Variants in CIT observed in about 807,000 individuals in gnomAD.
The protein encoded by CIT is citron Rho-interacting kinase.
Under a neutral mutation model 272.7 loss-of-function variants are expected in CIT, and 79 were observed. That is an observed-to-expected ratio of 0.29 (90% CI 0.24 to 0.35). The LOEUF (loss-of-function observed/expected upper bound fraction) is 0.35. Among genes scored for constraint, CIT ranks in the 10% least tolerant of loss-of-function variants. The pLI is 1.00. For synonymous variants in CIT, 948 were observed against 995.6 expected, an observed-to-expected ratio of 0.95 and a Z score of 0.90; for missense variants, 1,909 against 2,618.3, an observed-to-expected ratio of 0.73 and a Z score of 5.91.
chr12:119,803,120 T>TC, intron 10 of CIT, 86 bp downstream of exon 10: 1 of 101,044 alleles, frequency 9.9e-6, no homozygotes, highest in South Asian at 1.9e-4. Flanking sequence ...TCCCCCCACC[T>TC]ATTCCCCCAC....
Position 119,784,503 on chromosome 12 carries a change from A to C in CIT, c.1402-452T>G. The C allele has an allele frequency of 3.4e-6, 4 of 1,187,274 alleles. No homozygotes were observed. Among genetic ancestry groups the C allele is most frequent in the Non-Finnish European group, 4.2e-6 (4 of 945,110 alleles). 73.5% of individuals were successfully genotyped at this position (1,187,274 alleles called of 1,614,324 possible). A position where few individuals can be genotyped will look rare whatever the true frequency, so the allele number is the denominator to read the frequency against. On this transcript the variant is annotated intron_variant, in intron 11 of 47. Transcript: ENST00000392521. The surrounding 1 kb of genome is among the most constrained non-coding windows in gnomAD (Gnocchi z 4.7). ...AGGAGTCCCAGGCAAGCAGTGACTT[A>C]TTAGTTTCCAGAGCGTTGCCTCTGG...
At chr12:119,778,288 A>C (rs1963967287) in intron 13 of CIT, among the ~76,000 whole-genome samples, 4 of 152,240 alleles carry the variant, frequency 2.6e-5, no homozygotes. Flanking sequence ...AGAAATGGCC[A>C]GTGATTTTGA....
chr12:119,791,065 T>C (rs934390600), intron 10 of CIT, among the ~76,000 whole-genome samples: 9 of 152,210 alleles, frequency 5.9e-5, no homozygotes, highest in African/African-American at 2.2e-4. Flanking sequence ...GCTTGCCCTA[T>C]ACCTCTATGT....
intron 5 of CIT, among the ~76,000 whole-genome samples, chr12:119,840,222 G>A (rs1267224778): frequency 6.6e-6 from 1 of 152,216 alleles, no homozygotes; most frequent in Non-Finnish European, 1.5e-5. Flanking sequence ...GGAGGGTGAG[G>A]TGGGAGGACG....
At chr12:119,812,785 G>A (rs575183800) in intron 9 of CIT, among the ~76,000 whole-genome samples, 2 of 140,354 alleles carry the variant, frequency 1.4e-5, no homozygotes, top group African/African-American at 5.3e-5. Context: ...TTGCTCTTTC[G>A]CCCAGGTTGG....
intron 24 of CIT, among the ~76,000 whole-genome samples, chr12:119,741,593 T>C (rs1959060566): frequency 6.6e-6 from 1 of 151,982 alleles, no homozygotes; most frequent in African/African-American, 2.4e-5. Context: ...AACAAGAAAA[T>C]AAAATATGTA....
intron 22 of CIT, among the ~76,000 whole-genome samples, chr12:119,752,557 T>C (rs186342788): frequency 6.6e-6 from 1 of 152,228 alleles, no homozygotes; most frequent in African/African-American, 2.4e-5. Context: ...AAAATGATGA[T>C]GATTACTCTT....
At chr12:119,853,470 G>A (rs959809889) in intron 4 of CIT, among the ~76,000 whole-genome samples, 1 of 149,692 alleles carries the variant, frequency 6.7e-6, no homozygotes, top group African/African-American at 2.5e-5. Flanking sequence ...TTAGAGACAG[G>A]GTCTCACCAT....
chr12:119,833,613 C>T (rs1236333024), intron 6 of CIT, among the ~76,000 whole-genome samples: 1 of 141,390 alleles, frequency 7.1e-6, no homozygotes, highest in African/African-American at 2.8e-5. Context: ...TGCCATGAGC[C>T]AATATGGTAC....
chr12:119,722,395 C>T (rs898856683), intron 28 of CIT, among the ~76,000 whole-genome samples: 11 of 152,296 alleles, frequency 7.2e-5, no homozygotes, highest in South Asian at 2.1e-4. Flanking sequence ...TTCCAAAAGG[C>T]CTATGGCAGC....
intron 23 of CIT, 150 bp from the exon 24 acceptor site, chr12:119,742,614 T>G: frequency 1.8e-6 from 1 of 560,130 alleles, no homozygotes; most frequent in Admixed American, 3.5e-5. Context: ...AATCAAATCA[T>G]CCCCAACACC....
rs59861360 is a variant in CIT at position 119,873,268 on chromosome 12, C to CTTT, written c.96+2802_96+2804dup. Reference sequence around the variant, plus strand: ...ATAAGTTGGAAATTTTTTTCCTTTTCTTTTTTTTTTTTTTTTTAATTTACA... The same window carrying CTTT: ...ATAAGTTGGAAATTTTTTTCCTTTTCTTTTTTTTTTTTTTTTTTTTAATTTACA... On this transcript the variant is annotated intron_variant, in intron 2 of 47. Coordinates refer to ENST00000392521, the MANE Select transcript of CIT (RefSeq NM_001206999.2). Among the ~76,000 whole-genome samples the CTTT allele has an allele frequency of 2.9e-5, 4 of 136,970 alleles. 1 individual carries two copies. Among genetic ancestry groups the CTTT allele is most frequent in the East Asian group, 2.1e-4 (1 of 4,768 alleles). The allele number at this position is 136,970 out of a possible 152,430, so 89.9% of individuals were successfully genotyped here.
At chr12:119,776,269 C>T in intron 15 of CIT, 89 bp downstream of exon 15, 50 of 967,168 alleles carry the variant, frequency 5.2e-5, no homozygotes, top group Non-Finnish European at 7.3e-5. Context: ...ATGAAGAATA[C>T]TCTTCATCAA....
At chr12:119,776,067 A>AG (rs1963719605) in intron 15 of CIT, among the ~76,000 whole-genome samples, 1 of 152,196 alleles carries the variant, frequency 6.6e-6, no homozygotes, top group Non-Finnish European at 1.5e-5. Context: ...AATGGCAAAA[A>AG]GAGAAAGTCG....
chr12:119,721,638 A>T (rs1410553044), intron 28 of CIT, among the ~76,000 whole-genome samples, 189 bp from the exon 29 acceptor site: 1 of 152,244 alleles, frequency 6.6e-6, no homozygotes, highest in Non-Finnish European at 1.5e-5. Context: ...GAATTTGCAC[A>T]GAAACCTCTG....
At chr12:119,826,642 C>A (rs759480333) in intron 7 of CIT, among the ~76,000 whole-genome samples, 17 of 152,270 alleles carry the variant, frequency 1.1e-4, no homozygotes, top group Admixed American at 3.3e-4. Flanking sequence ...AACAGAGAGG[C>A]CCTGATTTTA....
intron 5 of CIT, 80 bp downstream of exon 5, chr12:119,850,094 G>C: frequency 2.2e-6 from 2 of 918,872 alleles, no homozygotes; most frequent in Non-Finnish European, 3.6e-6. Flanking sequence ...ACATGGGCAA[G>C]AACAACATTC....
At position 119,766,876 on chromosome 12, in the gene CIT, T is replaced by TA. The variant is rs36109532; in HGVS notation, c.2304+210dup. On this transcript the variant is annotated intron_variant, in intron 19 of 47. Coordinates refer to ENST00000392521, the MANE Select transcript of CIT (RefSeq NM_001206999.2). Reference sequence around the variant, plus strand: ...AATTGAGATAAATGATGACCACATTTAAAAAAAAAAAAAGGTTTTTTTTTT... The same window carrying TA: ...AATTGAGATAAATGATGACCACATTTAAAAAAAAAAAAAAGGTTTTTTTTTT... Among the ~76,000 whole-genome samples the TA allele has an allele frequency of 0.013, 1,777 of 138,650 alleles. 36 individuals carry two copies. The highest frequency in any genetic ancestry group is 0.041 in the African/African-American group (1,565 of 37,860). The allele number at this position is 138,650 out of a possible 152,430, so 91.0% of individuals were successfully genotyped here. A position where few individuals can be genotyped will look rare whatever the true frequency, so the allele number is the denominator to read the frequency against.
chr12:119,814,588 C>G (rs1263201891), intron 9 of CIT, among the ~76,000 whole-genome samples: 8 of 152,098 alleles, frequency 5.3e-5, no homozygotes, highest in Non-Finnish European at 1.2e-4. Flanking sequence ...AAAAGGAAGA[C>G]AAGTTTAAGG....
Sources: allele counts gnomAD v4.1 joint callset (sites outside exome capture counted in the v4.1 genomes callset), GRCh38; gene constraint gnomAD v4.1.1; non-coding constraint Gnocchi (gnomAD v3.1); transcripts MANE v1.5; gene names NCBI Gene and HGNC (gene_info 2026-07-23, HGNC 2026-07-21).